RAB3IL1: variants seen among roughly 807,000 people sequenced by gnomAD.
RAB3IL1 encodes the protein RAB3A interacting protein like 1.
A neutral mutation model predicts 49.2 loss-of-function variants in RAB3IL1; 37 were observed. That is an observed-to-expected ratio of 0.75 (90% confidence interval 0.58 to 0.99). The LOEUF (loss-of-function observed/expected upper bound fraction) is 0.99. Ranked by LOEUF, RAB3IL1 falls within the 50% of genes least tolerant of loss-of-function variation. RAB3IL1 has a pLI of 0.00. For missense variants in RAB3IL1, 484 were observed against 513.0 expected (o/e 0.94, Z 0.55); for synonymous variants, 193 against 213.9 (o/e 0.90, Z 0.85).
intron 8 of RAB3IL1, among the ~76,000 whole-genome samples, chr11:61,900,735 T>C (rs1938868774): frequency 6.6e-6 from 1 of 152,112 alleles, no homozygotes; most frequent in South Asian, 2.1e-4. Context: ...AGGGACCACA[T>C]CCTAAAACTT....
chr11:61,938,425 G>A, the RAB3IL1 span, among the ~76,000 whole-genome samples: 1 of 152,074 alleles, frequency 6.6e-6, no homozygotes, highest in Admixed American at 6.6e-5. Context: ...AACAAAAAGA[G>A]GGCTGGAGTG....
chr11:61,940,217 A>AGCCCC, the RAB3IL1 span, among the ~76,000 whole-genome samples: 1 of 151,418 alleles, frequency 6.6e-6, no homozygotes, highest in Non-Finnish European at 1.5e-5. Flanking sequence ...CGAGGCTGGC[A>AGCCCC]GATCACCTGA....
At chr11:61,944,676 T>C in the RAB3IL1 span, among the ~76,000 whole-genome samples, 4 of 152,186 alleles carry the variant, frequency 2.6e-5, no homozygotes, top group Non-Finnish European at 5.9e-5. Context: ...CCTGTAGTTG[T>C]TTTGCCAGGA....
rs950495980 is a variant in RAB3IL1 at position 61,898,910 on chromosome 11, G to C, written c.1066+404C>G. The C allele has an allele frequency of 4.2e-6, 2 of 478,648 alleles. No individual in the cohort carries two copies. The highest frequency in any genetic ancestry group is 1.3e-4 in the East Asian group (2 of 15,836). 29.7% of individuals were successfully genotyped at this position (478,648 alleles called of 1,614,324 possible). ...GAGCAAAGGTTGGTGGAGGAGCGGG[G>C]AGCCAGGCCTTGCAGAATGGGCTGT... On this transcript the variant is annotated intron_variant, in intron 9 of 9. Coordinates refer to ENST00000394836, the MANE Select transcript of RAB3IL1 (RefSeq NM_013401.4). This position sits in a 1 kb window ranked among gnomAD's most constrained non-coding sequence, Gnocchi z 5.1.
intron 1 of RAB3IL1, among the ~76,000 whole-genome samples, chr11:61,908,925 G>A (rs956797337): frequency 2.0e-5 from 3 of 152,146 alleles, no homozygotes; most frequent in Non-Finnish European, 4.4e-5. Context: ...GCTCTCCCCT[G>A]GCCTGCCTTG....
At chr11:61,933,034 G>A in the RAB3IL1 span, among the ~76,000 whole-genome samples, 5 of 152,118 alleles carry the variant, frequency 3.3e-5, no homozygotes, top group Non-Finnish European at 5.9e-5. Flanking sequence ...CTCCCAAAGT[G>A]CTTGGATTAC....
Position 61,904,620 on chromosome 11 carries a change from C to T in RAB3IL1, c.825G>A (p.Thr275=), listed in dbSNP as rs750620646. The change falls in exon 7 of 10, where the codon ACG becomes ACA. Residue 275 remains threonine, a synonymous_variant. Transcript: ENST00000394836. The part of the protein sequence containing the change: ...VLVRAAVEDN[T]LTIEPVASQT... ...GCGAAGCCACCGGCTCAATGGTGAG[C>T]GTGTTGTCCTCCACGGCGGCCCGTA... is the stretch of plus-strand genomic sequence containing the variant. 15 of 1,613,000 alleles carry T rather than the reference C, an allele frequency of 9.3e-6. No homozygotes were observed. The highest frequency in any genetic ancestry group is 6.7e-5 in the East Asian group (3 of 44,886).
chr11:61,908,060 C>T lies in RAB3IL1; in HGVS notation c.258G>A (p.Ala86=), dbSNP rs759926846. The T allele has an allele frequency of 8.7e-6, 14 of 1,607,880 alleles. No individual in the cohort carries two copies. In the Admixed American group the frequency reaches 1.0e-4, roughly 12 times the overall value. ...GCCTACTGCAGGCACCCACCTTCTG[C>T]GCTCTGTGCAGCTCCTCCTTCAGGA... The part of the protein sequence containing the change: ...SEFLKEELHR[A]QKELKLKDEE... Residue 86 remains alanine (A), a synonymous_variant, in exon 2 of 10, where the codon GCG becomes GCA. Coordinates refer to ENST00000394836, the MANE Select transcript of RAB3IL1 (RefSeq NM_013401.4).
rs1026150999 is a variant in RAB3IL1 at position 61,898,907 on chromosome 11, G to T, written c.1066+407C>A. 8 of 477,854 alleles carry T rather than the reference G, an allele frequency of 1.7e-5. No homozygotes were observed. Among genetic ancestry groups the T allele is most frequent in the Non-Finnish European group, 3.3e-5 (8 of 241,684 alleles). 29.6% of individuals were successfully genotyped at this position (477,854 alleles called of 1,614,324 possible). A position where few individuals can be genotyped will look rare whatever the true frequency, so the allele number is the denominator to read the frequency against. Reference sequence around the variant, plus strand: ...AGCGAGCAAAGGTTGGTGGAGGAGCGGGGAGCCAGGCCTTGCAGAATGGGC... The same window carrying T: ...AGCGAGCAAAGGTTGGTGGAGGAGCTGGGAGCCAGGCCTTGCAGAATGGGC... On this transcript the variant is annotated intron_variant, in intron 9 of 9. Coordinates refer to ENST00000394836, the MANE Select transcript of RAB3IL1 (RefSeq NM_013401.4). This position sits in a 1 kb window ranked among gnomAD's most constrained non-coding sequence, Gnocchi z 5.1.
the RAB3IL1 span, among the ~76,000 whole-genome samples, chr11:61,926,685 C>T: frequency 6.6e-6 from 1 of 152,090 alleles, no homozygotes; most frequent in South Asian, 2.1e-4. Flanking sequence ...TCCAGAGTAG[C>T]TGGGATTAAA....
At chr11:61,943,684 TAAAC>T in the RAB3IL1 span, among the ~76,000 whole-genome samples, 19 of 152,222 alleles carry the variant, frequency 1.2e-4, no homozygotes, top group African/African-American at 4.6e-4. Flanking sequence ...CCAATGAGGA[TAAAC>T]AAACAGCCAA....
chr11:61,902,687 G>A (rs751174758), intron 7 of RAB3IL1, 146 bp from the exon 8 acceptor site: 33 of 719,776 alleles, frequency 4.6e-5, no homozygotes, highest in East Asian at 3.8e-4. Flanking sequence ...AAGGAACCCA[G>A]AGCCAGGCAG....
chr11:61,906,345 G>A lies in RAB3IL1; in HGVS notation c.657+121C>T. 9 of 909,502 alleles carry A rather than the reference G, an allele frequency of 9.9e-6. No homozygotes were observed. Among genetic ancestry groups the A allele is most frequent in the Non-Finnish European group, 1.5e-5 (9 of 586,944 alleles). The allele number at this position is 909,502 out of a possible 1,614,324, so 56.3% of individuals were successfully genotyped here. On this transcript the variant is annotated intron_variant, in intron 5 of 9. Coordinates refer to ENST00000394836, the MANE Select transcript of RAB3IL1 (RefSeq NM_013401.4). This position sits in a 1 kb window ranked among gnomAD's most constrained non-coding sequence, Gnocchi z 4.6. ...CTGCCCAGCCCTCACATCCCAGAGA[G>A]GCGCAGGACAGGCTCCAGGTCACAC...
chr11:61,932,814 C>T, the RAB3IL1 span, among the ~76,000 whole-genome samples: 1 of 149,928 alleles, frequency 6.7e-6, no homozygotes, highest in Non-Finnish European at 1.5e-5. Flanking sequence ...CTCTATCGCC[C>T]AGGCTGGAGT....
the RAB3IL1 span, among the ~76,000 whole-genome samples, chr11:61,927,547 G>T: frequency 1.3e-5 from 2 of 152,196 alleles, no homozygotes; most frequent in South Asian, 4.1e-4. Context: ...AAAGAGTTGG[G>T]GCTGGCAAGA....
Position 61,904,653 on chromosome 11 carries a change from C to T in RAB3IL1, c.792G>A (p.Ser264=), listed in dbSNP as rs146932290. The T allele has an allele frequency of 9.5e-5, 153 of 1,610,134 alleles. No individual in the cohort carries two copies. In the African/African-American group the frequency reaches 1.9e-3, roughly 20 times the overall value. ...CCTCCACGGCGGCCCGTACCAGCACCGAGAGCTGTGGCAGACCAGGGAGGC... is the reference window on the plus strand; with the variant it reads ...CCTCCACGGCGGCCCGTACCAGCACTGAGAGCTGTGGCAGACCAGGGAGGC... The part of the protein sequence containing the change: ...PCLDFTMQEL[S]VLVRAAVEDN... Residue 264 remains serine (S), a synonymous_variant, in exon 7 of 10, where the codon TCG becomes TCA. Coordinates refer to ENST00000394836, the MANE Select transcript of RAB3IL1 (RefSeq NM_013401.4).
the RAB3IL1 span, among the ~76,000 whole-genome samples, chr11:61,926,789 G>A: frequency 5.3e-5 from 8 of 152,028 alleles, no homozygotes; most frequent in Non-Finnish European, 1.2e-4. Context: ...TCCTGACCCT[G>A]TGATCTGCCC....
chr11:61,904,503 G>T, intron 7 of RAB3IL1, 43 bp downstream of exon 7: 2 of 1,538,986 alleles, frequency 1.3e-6, no homozygotes, highest in Non-Finnish European at 1.8e-6. Context: ...GCTTGGCGGG[G>T]CTTTCCCACA....
the RAB3IL1 span, among the ~76,000 whole-genome samples, chr11:61,929,539 A>G: frequency 1.3e-5 from 2 of 151,822 alleles, no homozygotes; most frequent in African/African-American, 4.8e-5. Flanking sequence ...AAAAAAATGT[A>G]TGATCTGAAC....
Sources: gnomAD v4.1 joint callset for allele counts (sites outside exome capture counted in the v4.1 genomes callset) on GRCh38, gnomAD v4.1.1 for gene constraint, Gnocchi (gnomAD v3.1) non-coding constraint, MANE v1.5 for transcripts, NCBI Gene and HGNC (gene_info 2026-07-23, HGNC 2026-07-21) for gene names.